Variants in RBM26 observed in about 807,000 individuals in gnomAD.
RBM26 encodes RNA-binding protein 26.
A neutral mutation model predicts 123.6 loss-of-function variants in RBM26; 30 were observed. The observed-to-expected ratio is 0.24, with a 90% CI of 0.18 to 0.33. The LOEUF (loss-of-function observed/expected upper bound fraction) is 0.33, where lower values mean the gene tolerates loss of function less well. RBM26 is among the 10% of genes least tolerant of loss of function. The probability of loss-of-function intolerance (pLI) is 1.00; values close to 1 mark genes in which losing one functional copy is unlikely to be tolerated. For missense variants in RBM26, 947 were observed against 1,203.6 expected (o/e 0.79, Z 3.15); for synonymous variants, 400 against 404.4 (o/e 0.99, Z 0.13).
At chr13:79,366,329 A>G in intron 7 of RBM26, 134 bp from the exon 8 acceptor site, 2 of 1,023,414 alleles carry the variant, frequency 2.0e-6, no homozygotes, top group East Asian at 5.2e-5. Context: ...ACTGAATTAG[A>G]TATCCAGGGT....
chr13:79,317,435 G>GA (rs1183494223), downstream of RBM26, among the ~76,000 whole-genome samples: 1 of 151,630 alleles, frequency 6.6e-6, no homozygotes, highest in African/African-American at 2.4e-5. Flanking sequence ...TACAGACAAG[G>GA]AAACAGCCCT....
intron 1 of RBM26, among the ~76,000 whole-genome samples, chr13:79,379,414 G>A (rs912215303): frequency 1.3e-5 from 2 of 148,424 alleles, no homozygotes; most frequent in African/African-American, 5.0e-5. Flanking sequence ...ATGGTAGTGT[G>A]TGCCTGTAGT....
In RBM26 at chr13:79,366,159, C is replaced by T. The variant is rs1309081214; in HGVS notation, c.1172G>A (p.Gly391Asp). ...TGCAGAGTTTGGAGGAGCATCCATG[C>T]CAGATGGCTGCAAAGGAGGAAGTGG... ...PPPLPPLQPS[G>D]MDAPPNSATS... The change falls in exon 8 of 22, where the codon GGC becomes GAC. Residue 391 changes from glycine (G) to aspartate (D), a missense_variant. Physicochemically the swap from Gly to Asp is moderately conservative, Grantham distance 94. Transcript: ENST00000438737. 1.9e-6 allele frequency: 3 copies of T among 1,613,252 alleles called. No homozygotes were observed. Among genetic ancestry groups the T allele is most frequent in the Non-Finnish European group, 1.7e-6 (2 of 1,179,456 alleles).
At chr13:79,321,909 G>A (rs928362464) in intron 21 of RBM26, among the ~76,000 whole-genome samples, 2 of 151,296 alleles carry the variant, frequency 1.3e-5, no homozygotes, top group Non-Finnish European at 3.0e-5. Context: ...GATAGATAGG[G>A]ACCGTGTCTT....
intron 16 of RBM26, 145 bp downstream of exon 16, chr13:79,344,103 C>A: frequency 1.5e-6 from 1 of 679,350 alleles, no homozygotes; most frequent in South Asian, 1.6e-5. Context: ...GATGTATGCT[C>A]TTCATCTCCA....
At chr13:79,334,196 CTT>C in intron 20 of RBM26, 146 bp downstream of exon 20, 1 of 514,710 alleles carries the variant, frequency 1.9e-6, no homozygotes, top group Non-Finnish European at 3.4e-6. Context: ...TTAGGACATT[CTT>C]TGAGGGCATG....
rs1017532595 is a variant in RBM26, at chr13:79,377,439, T to C, written c.267A>G (p.Ser89=). 7 of 1,613,444 alleles carry C rather than the reference T, an allele frequency of 4.3e-6. No individual in the cohort carries two copies. Among genetic ancestry groups the C allele is most frequent in the Non-Finnish European group, 5.9e-6 (7 of 1,179,348 alleles). ...KSYLPPPEQP[S]SGSLKVEFFP... ...AAAATTCTACCTTCAGGCTTCCTGA[T>C]GATGGCTGCTCTGGAGGAGGTAGGT... is the stretch of plus-strand genomic sequence containing the variant. Residue 89 remains serine (S), a synonymous_variant, in exon 3 of 22, where the codon TCA becomes TCG. Transcript: ENST00000438737.
chr13:79,357,239 G>A (rs906593056), intron 11 of RBM26, among the ~76,000 whole-genome samples: 7 of 151,820 alleles, frequency 4.6e-5, no homozygotes, highest in Non-Finnish European at 8.8e-5. Context: ...TCTTTTTCCC[G>A]CTCTATTACT....
chr13:79,376,663 T>A (rs923267371), intron 3 of RBM26: 2 of 152,234 alleles, frequency 1.3e-5, no homozygotes, highest in Non-Finnish European at 2.9e-5. Flanking sequence ...TGTGTTTTAC[T>A]ACCTTAAAAA....
At chr13:79,367,418 AAAAAAAAAAAAAAAG>A (rs1212556786) in intron 6 of RBM26, among the ~76,000 whole-genome samples, 3 of 110,924 alleles carry the variant, frequency 2.7e-5, no homozygotes, top group Admixed American at 1.8e-4. Flanking sequence ...AAAAAAAAAA[AAAAAAAAAAAAAAAG>A]AAGAAGAAGA....
At chr13:79,334,770 A>T (rs2070039100) in intron 19 of RBM26, among the ~76,000 whole-genome samples, 1 of 151,984 alleles carries the variant, frequency 6.6e-6, no homozygotes, top group African/African-American at 2.4e-5. Context: ...CCCAAGATAA[A>T]CTCTTTCTTA....
exon 5 of RBM26, chr13:79,313,321 T>C (rs1262754995): frequency 6.6e-6 from 1 of 151,532 alleles, no homozygotes; most frequent in African/African-American, 2.4e-5. Context: ...TCTTGAATTC[T>C]GATTCTCAAT....
In RBM26 at chr13:79,368,029, A is replaced by ATTT. The variant is rs759616887; in HGVS notation, c.895+698_895+700dup. 4.5e-5 allele frequency among the ~76,000 whole-genome samples: 5 copies of ATTT among 110,314 alleles called. 1 individual carries two copies. Among genetic ancestry groups the ATTT allele is most frequent in the Non-Finnish European group, 4.0e-5 (2 of 49,920 alleles). 72.4% of individuals were successfully genotyped at this position (110,314 alleles called of 152,430 possible). A position where few individuals can be genotyped will look rare whatever the true frequency, so the allele number is the denominator to read the frequency against. On this transcript the variant is annotated intron_variant, in intron 6 of 21. Transcript: ENST00000438737. ...AGTCTTCAATTCTTTTTATTTTTTT[A>ATTT]TTTTTATTTTTTTTGAGACGGAGTC... is the stretch of plus-strand genomic sequence containing the variant.
rs144298825 is a variant in RBM26, at chr13:79,371,049, C to G, written c.530G>C (p.Arg177Pro). The G allele has an allele frequency of 4.4e-5, 71 of 1,613,618 alleles. No individual in the cohort carries two copies. Among genetic ancestry groups the G allele is most frequent in the African/African-American group, 2.7e-5 (2 of 74,916 alleles). The change falls in exon 5 of 22, where the codon CGC (arginine) becomes CCC (proline). Residue 177 changes from arginine to proline, a missense_variant. This residue lies in a region of RBM26 where 275 missense variants were observed against 361.0 expected (regional missense o/e 0.76). Coordinates refer to ENST00000438737, the MANE Select transcript of RBM26 (RefSeq NM_001366735.2). ...DRYNRRRGRS[R>P]SYSRSRSRSW... The stretch of plus-strand genomic sequence containing the variant: ...TCGACTTCGACTCCTGCTATAACTG[C>G]GACTCCGCCCTCGTCTTCTATTGTA...
intron 8 of RBM26, 52 bp downstream of exon 8, chr13:79,366,003 C>A: frequency 1.3e-6 from 2 of 1,512,606 alleles, no homozygotes; most frequent in Non-Finnish European, 9.0e-7. Flanking sequence ...TTTTAAAATT[C>A]TTCATCTAAA....
At chr13:79,400,388 GCAGAAGTCAGAGGTCTCCCATAGCAGA>G (rs2078962893) in intron 1 of RBM26, among the ~76,000 whole-genome samples, 1 of 143,834 alleles carries the variant, frequency 7.0e-6, no homozygotes, top group Non-Finnish European at 1.5e-5. Flanking sequence ...TCCTCCCATG[GCAGAAGTCAGAGGTCTCCCATAGCAGA>G]AGTCAGAGGG....
intron 19 of RBM26, 78 bp downstream of exon 19, chr13:79,337,024 A>G: frequency 7.5e-7 from 1 of 1,336,336 alleles, no homozygotes; most frequent in Non-Finnish European, 1.1e-6. Flanking sequence ...TGTCCTTTTC[A>G]TAACTTCCTC....
intron 20 of RBM26, among the ~76,000 whole-genome samples, chr13:79,330,017 T>C (rs947284181): frequency 6.6e-6 from 1 of 152,066 alleles, no homozygotes; most frequent in Non-Finnish European, 1.5e-5. Flanking sequence ...AAATAAGGAG[T>C]GGGCAAGTTG....
At position 79,332,452 on chromosome 13, in the gene RBM26, T is replaced by C. The variant is rs573499148; in HGVS notation, c.2820+1892A>G. On this transcript the variant is annotated intron_variant, in intron 20 of 21. Transcript: ENST00000438737. ...CTGCTCTATATGTATCCTGCTTGTATAAGATAAGCTTCAACTTAATTTTCT... is the reference window on the plus strand; with the variant it reads ...CTGCTCTATATGTATCCTGCTTGTACAAGATAAGCTTCAACTTAATTTTCT... 5.9e-5 allele frequency among the ~76,000 whole-genome samples: 9 copies of C among 152,310 alleles called. No homozygotes were observed. In the South Asian group the frequency reaches 1.7e-3, roughly 28 times the overall value.
Sources: allele counts gnomAD v4.1 joint callset (sites outside exome capture counted in the v4.1 genomes callset), GRCh38; gene constraint gnomAD v4.1.1; regional missense constraint gnomAD v4.1.1; transcripts MANE v1.5; gene names NCBI Gene and HGNC (gene_info 2026-07-23, HGNC 2026-07-21).